Variants in EPHA6 observed in about 807,000 individuals in gnomAD.
The protein encoded by EPHA6 is ephrin type-A receptor 6.
In EPHA6, 50 loss-of-function variants were observed where a neutral mutation model predicts 112.0. That is an observed-to-expected ratio of 0.45 (90% CI 0.36 to 0.56). The LOEUF is 0.56. Ranked by LOEUF, EPHA6 falls within the 20% of genes least tolerant of loss-of-function variation. The pLI is 0.00. For synonymous variants in EPHA6, 529 were observed against 490.7 expected (o/e 1.08, Z -1.03); for missense variants, 1,280 against 1,417.4 (o/e 0.90, Z 1.56).
intron 1 of EPHA6, among the ~76,000 whole-genome samples, chr3:96,822,065 C>A (rs761314048): frequency 1.5e-4 from 23 of 151,848 alleles, no homozygotes; most frequent in Non-Finnish European, 2.5e-4. Flanking sequence ...TTGTAAATTG[C>A]TTCACAAGAC....
intron 2 of EPHA6, among the ~76,000 whole-genome samples, chr3:96,952,644 G>T (rs569239527): frequency 1.3e-5 from 2 of 152,268 alleles, no homozygotes; most frequent in South Asian, 4.1e-4. Context: ...AACTGAAAAT[G>T]GACTTTCTGT....
At chr3:97,527,173 C>T (rs946938627) in intron 10 of EPHA6, among the ~76,000 whole-genome samples, 3 of 152,136 alleles carry the variant, frequency 2.0e-5, no homozygotes, top group African/African-American at 7.2e-5. Context: ...CCTCCCAGCC[C>T]TTTGGTGGAT....
Position 97,206,848 on chromosome 3 carries a change from A to G in EPHA6, c.1115-19416A>G, listed in dbSNP as rs142861756. On this transcript the variant is annotated intron_variant, in intron 3 of 17. Coordinates refer to ENST00000389672, the MANE Select transcript of EPHA6 (RefSeq NM_001080448.3). The stretch of plus-strand genomic sequence containing the variant: ...TTATTCCACTTCAGAATAATCAAAG[A>G]TGATTGTACTTGATAATGCAGTATT... Among the ~76,000 whole-genome samples the G allele has an allele frequency of 6.1e-3, 931 of 152,238 alleles. 7 individuals are homozygous for G. Among genetic ancestry groups the G allele is most frequent in the African/African-American group, 0.021 (889 of 41,570 alleles).
At chr3:97,598,272 TTTA>T (rs2093611263) in intron 12 of EPHA6, among the ~76,000 whole-genome samples, 1 of 152,044 alleles carries the variant, frequency 6.6e-6, no homozygotes, top group Non-Finnish European at 1.5e-5. Context: ...AAGTTTTTTT[TTTA>T]TTATTATACT....
At chr3:96,962,855 TGAAAA>T (rs937201260) in intron 2 of EPHA6, among the ~76,000 whole-genome samples, 3 of 151,912 alleles carry the variant, frequency 2.0e-5, no homozygotes, top group African/African-American at 7.3e-5. Flanking sequence ...GAAAAACAAA[TGAAAA>T]GGAGGGAGCA....
chr3:97,012,743 G>T (rs2044137010), intron 3 of EPHA6, among the ~76,000 whole-genome samples: 1 of 150,874 alleles, frequency 6.6e-6, no homozygotes, highest in South Asian at 2.1e-4. Flanking sequence ...ACAGGTATGA[G>T]CCACCACACT....
At chr3:97,659,043 G>A (rs1328904583) in intron 14 of EPHA6, among the ~76,000 whole-genome samples, 1 of 151,918 alleles carries the variant, frequency 6.6e-6, no homozygotes, top group Non-Finnish European at 1.5e-5. Context: ...ATTTATTAAA[G>A]CTTAATAACT....
chr3:97,683,909 GCC>G (rs2032055629), intron 14 of EPHA6, among the ~76,000 whole-genome samples: 1 of 152,102 alleles, frequency 6.6e-6, no homozygotes, highest in Non-Finnish European at 1.5e-5. Flanking sequence ...ATTAGCTGAA[GCC>G]CATTCCTAAA....
At chr3:97,337,989 T>C (rs1462238647) in intron 5 of EPHA6, among the ~76,000 whole-genome samples, 1 of 152,144 alleles carries the variant, frequency 6.6e-6, no homozygotes, top group East Asian at 1.9e-4. Flanking sequence ...GATTTCCAAG[T>C]GATGATATCA....
At chr3:97,596,248 T>C (rs368779757) in intron 12 of EPHA6, among the ~76,000 whole-genome samples, 2 of 152,194 alleles carry the variant, frequency 1.3e-5, no homozygotes, top group African/African-American at 2.4e-5. Context: ...CTCTCTTTGC[T>C]CCATGTAGTT....
intron 11 of EPHA6, among the ~76,000 whole-genome samples, chr3:97,535,467 G>A (rs2092750415): frequency 6.6e-6 from 1 of 152,090 alleles, no homozygotes; most frequent in Admixed American, 6.6e-5. Flanking sequence ...AAGGTGGGTT[G>A]TAGAGATGGA....
intron 6 of EPHA6, among the ~76,000 whole-genome samples, chr3:97,439,298 C>T (rs113837375): frequency 1.2e-4 from 19 of 152,220 alleles, no homozygotes; most frequent in African/African-American, 4.3e-4. Context: ...AATGATACGT[C>T]CCCAGAAATG....
intron 5 of EPHA6, among the ~76,000 whole-genome samples, chr3:97,310,045 T>G (rs1279363404): frequency 1.3e-5 from 2 of 151,624 alleles, no homozygotes; most frequent in Non-Finnish European, 3.0e-5. Context: ...TAATAAATCT[T>G]TAGAAAACAG....
At chr3:97,656,392 T>C (rs961458470) in intron 14 of EPHA6, among the ~76,000 whole-genome samples, 2 of 151,912 alleles carry the variant, frequency 1.3e-5, no homozygotes, top group African/African-American at 4.8e-5. Context: ...TAAAATCTAA[T>C]ACCTATTCCT....
Position 97,329,386 on chromosome 3 carries a change from C to G in EPHA6, c.1607-75764C>G, listed in dbSNP as rs1029204544. On this transcript the variant is annotated intron_variant, in intron 5 of 17. Coordinates refer to ENST00000389672, the MANE Select transcript of EPHA6 (RefSeq NM_001080448.3). ...TTCTAGTTCTGGATCCCTGAGGAAT[C>G]GCCACACTGACTTCCACAATGGTTG... 3.3e-5 allele frequency among the ~76,000 whole-genome samples: 5 copies of G among 151,064 alleles called. No individual in the cohort carries two copies. In the South Asian group the frequency reaches 1.0e-3, roughly 31 times the overall value.
chr3:97,669,611 A>AG (rs1395678652), intron 14 of EPHA6, among the ~76,000 whole-genome samples: 1 of 151,510 alleles, frequency 6.6e-6, no homozygotes, highest in Non-Finnish European at 1.5e-5. Context: ...AAAAAAAAAA[A>AG]GAAGAAGTAG....
At position 97,619,132 on chromosome 3, in the gene EPHA6, A is replaced by T. The variant is rs1344612394; in HGVS notation, c.2574+8278A>T. Among the ~76,000 whole-genome samples, 3 of 146,264 alleles carry T rather than the reference A, an allele frequency of 2.1e-5. No individual in the cohort carries two copies. The East Asian group carries it at 6.3e-4, about 31-fold the overall frequency. The stretch of plus-strand genomic sequence containing the variant: ...CAACATATGTAAATCAATAAATGTG[A>T]TTCATAACATAAACAGAACTAAAAA... On this transcript the variant is annotated intron_variant, in intron 13 of 17. Coordinates refer to ENST00000389672, the MANE Select transcript of EPHA6 (RefSeq NM_001080448.3).
At chr3:97,002,904 A>G (rs141999792) in intron 3 of EPHA6, among the ~76,000 whole-genome samples, 2 of 152,320 alleles carry the variant, frequency 1.3e-5, no homozygotes, top group Admixed American at 6.5e-5. Context: ...ACTTCCAAAG[A>G]TAAATATTCA....
chr3:97,665,925 T>C (rs2107645884), intron 14 of EPHA6, among the ~76,000 whole-genome samples: 1 of 151,662 alleles, frequency 6.6e-6, no homozygotes, highest in East Asian at 1.9e-4. Flanking sequence ...GGTGTGAGAG[T>C]GTGTGCCTGT....
Sources: allele counts gnomAD v4.1 joint callset (sites outside exome capture counted in the v4.1 genomes callset), GRCh38; gene constraint gnomAD v4.1.1; transcripts MANE v1.5; gene names NCBI Gene and HGNC (gene_info 2026-07-23, HGNC 2026-07-21).